The following ARSD variants were observed in gnomAD, a reference collection of about 807,000 sequenced individuals.
The protein encoded by ARSD is testis tissue sperm-binding protein Li 39a.
ARSD carries 21 observed loss-of-function variants against 32.6 expected under a neutral mutation model. The observed-to-expected ratio is 0.64, with a 90% CI of 0.46 to 0.93. The LOEUF (loss-of-function observed/expected upper bound fraction) is 0.93. ARSD is among the 40% of genes least tolerant of loss of function. The pLI is 0.00. For missense variants in ARSD, 454 were observed against 520.9 expected, an observed-to-expected ratio of 0.87 and a Z score of 1.25; for synonymous variants, 224 against 237.4, an observed-to-expected ratio of 0.94 and a Z score of 0.52.
chrX:2,906,241 A>C lies in ARSD; in HGVS notation c.*1030T>G, dbSNP rs2088851390. Reference sequence around the variant, plus strand: ...CAGTTTTGACCTCCCAGGCTCAAATAATCCTCCCGCCTCAGCCTCCTAAGT... The same window carrying C: ...CAGTTTTGACCTCCCAGGCTCAAATCATCCTCCCGCCTCAGCCTCCTAAGT... On this transcript the variant is annotated 3_prime_UTR_variant, in exon 10 of 10. Transcript: ENST00000381154. 9.1e-6 allele frequency: 1 copy of C among 109,376 alleles called. No homozygotes were observed. The highest frequency in any genetic ancestry group is 3.4e-5 in the African/African-American group (1 of 29,782). The allele number at this position is 109,376 out of a possible 1,213,427, so 9.0% of individuals were successfully genotyped here.
chrX:2,920,481 C>T, intron 4 of ARSD, 120 bp downstream of exon 4: 1 of 1,071,964 alleles, frequency 9.3e-7, no homozygotes. Flanking sequence ...AGCGATTCTC[C>T]TGCCTCAGCC....
rs758857063 is a variant in ARSD at position 2,917,962 on chromosome X, G to A, written c.705C>T (p.Gly235=). 2.5e-6 allele frequency: 3 copies of A among 1,210,338 alleles called. No individual in the cohort carries two copies. The highest frequency in any genetic ancestry group is 2.2e-5 in the Admixed American group (1 of 45,862). ...AAGAGATGAAAAACAGGCAGCCCAC[G>A]CCGGCCATGCCGGTGACTGCTCTCG... ...VSARAVTGMA[G]VGCLFFISWY... Residue 235 remains glycine (G), a synonymous_variant, in exon 5 of 10, where the codon GGC becomes GGT. Coordinates refer to ENST00000381154, the MANE Select transcript of ARSD (RefSeq NM_001669.4).
chrX:2,929,255 C>A lies in ARSD; in HGVS notation c.21G>T (p.Arg7Ser). 9.7e-7 allele frequency: 1 copy of A among 1,031,037 alleles called. No individual in the cohort carries two copies. Among genetic ancestry groups the A allele is most frequent in the Non-Finnish European group, 1.2e-6 (1 of 812,752 alleles). The allele number at this position is 1,031,037 out of a possible 1,213,427, so 85.0% of individuals were successfully genotyped here. ...ACCTGGCGGCGGGCGCGGCGCGTCC[C>A]CTCCGCGCGGCGGATCGCATGGCCG... is the stretch of plus-strand genomic sequence containing the variant. The part of the protein sequence containing the change: MRSAAR[R>S]GRAAPAARDS... Residue 7 changes from arginine (R) to serine (S), a missense_variant, in exon 1 of 10, where the codon AGG (arginine) becomes AGT (serine). Coordinates refer to ENST00000381154, the MANE Select transcript of ARSD (RefSeq NM_001669.4).
At chrX:2,923,716 T>G (rs774153469) in intron 2 of ARSD, among the ~76,000 whole-genome samples, 1 of 111,397 alleles carries the variant, frequency 9.0e-6, no homozygotes, top group South Asian at 3.9e-4. Flanking sequence ...GTGACCTCAT[T>G]TTACCTGAAT....
intron 5 of ARSD, among the ~76,000 whole-genome samples, chrX:2,916,601 C>T (rs1319608918): frequency 9.0e-6 from 1 of 111,303 alleles, no homozygotes; most frequent in Non-Finnish European, 1.9e-5. Context: ...AACAGGAGGT[C>T]ACTATGTTAA....
intron 1 of ARSD, 38 bp downstream of exon 1, chrX:2,929,194 A>G: frequency 9.7e-7 from 1 of 1,029,499 alleles, no homozygotes. Context: ...CCCCCACCCT[A>G]GGCCTTAGTA....
chrX:2,927,906 C>T (rs1421742169), intron 1 of ARSD, among the ~76,000 whole-genome samples: 1 of 111,907 alleles, frequency 8.9e-6, no homozygotes, highest in Admixed American at 9.5e-5. Flanking sequence ...TGGGAAACTT[C>T]TAGGGGGTAT....
Position 2,921,799 on chromosome X carries a change from G to A in ARSD, c.316+104C>T. ...AGACGATGAATTGCAGGTGATCTTT[G>A]TACCATTGCCCCTGTATCTTCACCA... On this transcript the variant is annotated intron_variant, in intron 3 of 9. Coordinates refer to ENST00000381154, the MANE Select transcript of ARSD (RefSeq NM_001669.4). 13 of 980,587 alleles carry A rather than the reference G, an allele frequency of 1.3e-5. No individual in the cohort carries two copies. The South Asian group carries it at 3.0e-4, about 23-fold the overall frequency. 80.8% of individuals were successfully genotyped at this position (980,587 alleles called of 1,213,427 possible).
At chrX:2,918,329 T>A in intron 4 of ARSD, 102 bp from the exon 5 acceptor site, 2 of 829,189 alleles carry the variant, frequency 2.4e-6, no homozygotes, top group Non-Finnish European at 3.3e-6. Context: ...AAGAAAAGTC[T>A]GCAAAGAGCA....
intron 2 of ARSD, among the ~76,000 whole-genome samples, chrX:2,925,156 G>A (rs1286329718): frequency 8.0e-5 from 9 of 111,924 alleles, no homozygotes; most frequent in African/African-American, 2.6e-4. Flanking sequence ...TCTTTACAGC[G>A]GGCAGGCCTT....
At chrX:2,918,595 A>G (rs558220817) in intron 4 of ARSD, among the ~76,000 whole-genome samples, 2 of 110,781 alleles carry the variant, frequency 1.8e-5, no homozygotes, top group South Asian at 7.8e-4. Flanking sequence ...CTAAAAAAAT[A>G]CAATACAGGT....
chrX:2,918,694 CAT>C lies in ARSD; in HGVS notation c.440-469_440-468del, dbSNP rs1480408446. Among the ~76,000 whole-genome samples the C allele has an allele frequency of 4.5e-5, 5 of 110,898 alleles. No individual in the cohort carries two copies. The East Asian group carries it at 1.1e-3, about 25-fold the overall frequency. ...GGCGGAGCTTACAGTGAGCCGAGAT[CAT>C]GCCACTGCACTCCAGCCTGGGCGAC... On this transcript the variant is annotated intron_variant, in intron 4 of 9. Coordinates refer to ENST00000381154, the MANE Select transcript of ARSD (RefSeq NM_001669.4).
rs1228546555 is a variant in ARSD, at chrX:2,905,715, A to G, written c.*1556T>C. 1 of 112,685 alleles carries G rather than the reference A, an allele frequency of 8.9e-6. No homozygotes were observed. The highest frequency in any genetic ancestry group is 2.8e-4 in the East Asian group (1 of 3,577). 9.3% of individuals were successfully genotyped at this position (112,685 alleles called of 1,213,427 possible). ...AGTTGTTTAATTTGACAATAAAGCG[A>G]TGCGTCAAAAACCTCAGTCAACACA... On this transcript the variant is annotated 3_prime_UTR_variant, in exon 10 of 10. Transcript: ENST00000381154.
At chrX:2,911,686 G>GA (rs112616301) in intron 6 of ARSD, among the ~76,000 whole-genome samples, 13 of 86,984 alleles carry the variant, frequency 1.5e-4, no homozygotes, top group African/African-American at 2.1e-4. Flanking sequence ...AAAAAAAAAA[G>GA]AAAAAAAAAA....
Position 2,929,231 on chromosome X carries a change from C to A in ARSD, c.44+1G>T. On this transcript the variant is annotated splice_donor_variant, in intron 1 of 9. Transcript: ENST00000381154. LOFTEE classifies it high-confidence loss of function. ...GGGCCGCGTCCCGGGGTCCCAGGCACCTGGCGGCGGGCGCGGCGCGTCCCC... is the reference window on the plus strand; with the variant it reads ...GGGCCGCGTCCCGGGGTCCCAGGCAACTGGCGGCGGGCGCGGCGCGTCCCC... The A allele has an allele frequency of 9.6e-7, 1 of 1,040,840 alleles. No individual in the cohort carries two copies. Among genetic ancestry groups the A allele is most frequent in the Admixed American group, 4.5e-5 (1 of 22,074 alleles). 85.8% of individuals were successfully genotyped at this position (1,040,840 alleles called of 1,213,427 possible).
intron 2 of ARSD, among the ~76,000 whole-genome samples, chrX:2,924,298 T>C (rs2089059845): frequency 8.8e-6 from 1 of 113,428 alleles, no homozygotes; most frequent in South Asian, 3.6e-4. Flanking sequence ...CCTCCCAAAA[T>C]GCTGGGATGA....
chrX:2,926,641 G>C (rs757528809), intron 1 of ARSD, among the ~76,000 whole-genome samples: 4 of 111,783 alleles, frequency 3.6e-5, no homozygotes, highest in Admixed American at 9.5e-5. Flanking sequence ...CTGCCACATC[G>C]TCAAGCTGAA....
At chrX:2,918,537 T>A (rs1603461197) in intron 4 of ARSD, among the ~76,000 whole-genome samples, 3 of 110,096 alleles carry the variant, frequency 2.7e-5, no homozygotes, top group Non-Finnish European at 5.7e-5. Flanking sequence ...GATCACGAGG[T>A]CAGGAAATCG....
At chrX:2,922,215 C>T (rs1216998907) in intron 2 of ARSD, among the ~76,000 whole-genome samples, 191 bp from the exon 3 acceptor site, 2 of 105,959 alleles carry the variant, frequency 1.9e-5, no homozygotes, top group Non-Finnish European at 3.9e-5. Flanking sequence ...TGGATGACAT[C>T]TCTCTCTCTC....
Sources: allele counts gnomAD v4.1 joint callset (sites outside exome capture counted in the v4.1 genomes callset), GRCh38; gene constraint gnomAD v4.1.1; transcripts MANE v1.5; gene names NCBI Gene and HGNC (gene_info 2026-07-23, HGNC 2026-07-21).